Variants in ZDHHC15 observed in about 807,000 individuals in gnomAD.
The protein encoded by ZDHHC15 is zDHHC palmitoyltransferase 15.
Under a neutral mutation model 31.7 loss-of-function variants are expected in ZDHHC15, and 19 were observed. That is an observed-to-expected ratio of 0.60 (90% CI 0.42 to 0.88). The LOEUF (loss-of-function observed/expected upper bound fraction) is 0.88. Ranked by LOEUF, ZDHHC15 falls within the 40% of genes least tolerant of loss-of-function variation. The probability of loss-of-function intolerance (pLI) is 0.00; values close to 1 mark genes in which losing one functional copy is unlikely to be tolerated. For synonymous variants in ZDHHC15, 103 were observed against 90.0 expected, an observed-to-expected ratio of 1.14 and a Z score of -0.82; for missense variants, 209 against 251.2, an observed-to-expected ratio of 0.83 and a Z score of 1.14.
intron 1 of ZDHHC15, among the ~76,000 whole-genome samples, chrX:75,515,525 G>C (rs917420368): frequency 2.5e-4 from 28 of 111,569 alleles, no homozygotes; most frequent in Admixed American, 2.3e-3. Flanking sequence ...CTTTGAAAAA[G>C]TTCAACAGCC....
chrX:75,432,546 A>G (rs748487498), intron 4 of ZDHHC15, among the ~76,000 whole-genome samples: 1 of 111,846 alleles, frequency 8.9e-6, no homozygotes, highest in Non-Finnish European at 1.9e-5. Context: ...TTTAAAATAT[A>G]CTGTCAATGC....
chrX:75,446,961 T>A (rs765739820), intron 4 of ZDHHC15, among the ~76,000 whole-genome samples: 25 of 111,945 alleles, frequency 2.2e-4, no homozygotes, highest in Non-Finnish European at 3.9e-4. Context: ...ATTTTAATAA[T>A]CAAACAGACA....
intron 3 of ZDHHC15, among the ~76,000 whole-genome samples, chrX:75,460,303 C>T (rs2084291871): frequency 9.0e-6 from 1 of 111,100 alleles, no homozygotes; most frequent in South Asian, 4.0e-4. Flanking sequence ...ATGGAGCTTC[C>T]AGGGGGAGGG....
chrX:75,523,005 A>G lies in ZDHHC15; in HGVS notation c.20T>C (p.Met7Thr). The change falls in exon 1 of 12, where the codon ATG becomes ACG. Residue 7 changes from methionine (M) to threonine (T), a missense_variant. Transcript: ENST00000373367. MRRGWK[M>T]ALSGGLRCCR... is the part of the protein sequence containing the mutation. The stretch of plus-strand genomic sequence containing the variant: ...GCACCGCAGCCCCCCAGACAGAGCC[A>G]TCTTCCAGCCTCGCCGCATCTTTGG... 1.7e-6 allele frequency: 2 copies of G among 1,208,682 alleles called. No homozygotes were observed. Among genetic ancestry groups the G allele is most frequent in the South Asian group, 1.8e-5 (1 of 56,613 alleles).
intron 4 of ZDHHC15, among the ~76,000 whole-genome samples, chrX:75,443,917 GA>G (rs2083985437): frequency 9.0e-6 from 1 of 111,174 alleles, no homozygotes; most frequent in African/African-American, 3.3e-5. Flanking sequence ...ACCACAATGA[GA>G]TACCATCTCA....
intron 11 of ZDHHC15, among the ~76,000 whole-genome samples, chrX:75,373,195 C>T (rs1408289390): frequency 9.0e-6 from 1 of 111,620 alleles, no homozygotes; most frequent in Non-Finnish European, 1.9e-5. Flanking sequence ...GTGGTGGATT[C>T]ATGGGTAATT....
At chrX:75,456,243 T>A (rs2084218911) in intron 3 of ZDHHC15, among the ~76,000 whole-genome samples, 2 of 108,987 alleles carry the variant, frequency 1.8e-5, no homozygotes, top group African/African-American at 6.7e-5. Flanking sequence ...CTGAGCAAAC[T>A]ATCACAAGGA....
intron 3 of ZDHHC15, among the ~76,000 whole-genome samples, chrX:75,455,675 C>G (rs747513196): frequency 8.9e-6 from 1 of 111,890 alleles, no homozygotes; most frequent in South Asian, 3.7e-4. Context: ...AAGAAAAAAT[C>G]AAACAATTTC....
At position 75,379,220 on chromosome X, in the gene ZDHHC15, A is replaced by C. The variant is rs1450557206; in HGVS notation, c.968-22T>G. Reference sequence around the variant, plus strand: ...TAATCTGCAAGGTTGAAACGTGAAGATGATCAAATGTCCCCGTGCCTTATA... The same window carrying C: ...TAATCTGCAAGGTTGAAACGTGAAGCTGATCAAATGTCCCCGTGCCTTATA... On this transcript the variant is annotated intron_variant, in intron 10 of 11. Coordinates refer to ENST00000373367, the MANE Select transcript of ZDHHC15 (RefSeq NM_144969.3). 3.3e-6 allele frequency: 4 copies of C among 1,206,901 alleles called. No homozygotes were observed. In the Admixed American group the frequency reaches 8.8e-5, roughly 26 times the overall value.
intron 10 of ZDHHC15, among the ~76,000 whole-genome samples, chrX:75,384,182 A>T (rs966441591): frequency 3.6e-5 from 4 of 112,286 alleles, no homozygotes; most frequent in African/African-American, 9.7e-5. Context: ...TTTGGAAAAC[A>T]TCCACTTATC....
At chrX:75,514,451 C>A (rs1443987369) in intron 1 of ZDHHC15, among the ~76,000 whole-genome samples, 2 of 111,950 alleles carry the variant, frequency 1.8e-5, no homozygotes, top group African/African-American at 6.5e-5. Flanking sequence ...GGAACAGCTG[C>A]AGTCTACAGC....
chrX:75,478,864 C>T, intron 3 of ZDHHC15, 27 bp downstream of exon 3: 2 of 1,105,301 alleles, frequency 1.8e-6, no homozygotes, highest in Non-Finnish European at 1.2e-6. Flanking sequence ...CTGTTCTTAT[C>T]CTTTAAGAAG....
intron 10 of ZDHHC15, among the ~76,000 whole-genome samples, chrX:75,395,606 T>A (rs1191205334): frequency 8.9e-6 from 1 of 111,914 alleles, no homozygotes; most frequent in Non-Finnish European, 1.9e-5. Context: ...TGTTAAAATG[T>A]CCATACTACC....
Position 75,402,765 on chromosome X carries a change from C to T in ZDHHC15, c.967+14322G>A, listed in dbSNP as rs770118954. Among the ~76,000 whole-genome samples the T allele has an allele frequency of 2.7e-5, 3 of 111,103 alleles. No homozygotes were observed. In the South Asian group the frequency reaches 1.2e-3, roughly 43 times the overall value. On this transcript the variant is annotated intron_variant, in intron 10 of 11. Transcript: ENST00000373367. ...TAAACAGCCTACTAAATGAAAATGC[C>T]TAGGACCTGATGGATTCACAGCCAA...
intron 10 of ZDHHC15, among the ~76,000 whole-genome samples, chrX:75,393,702 C>G (rs1480754772): frequency 1.8e-5 from 2 of 111,773 alleles, no homozygotes; most frequent in Non-Finnish European, 3.8e-5. Flanking sequence ...TTCTGTTCTT[C>G]TAGAACCACT....
At chrX:75,496,590 T>C (rs916662197) in intron 2 of ZDHHC15, among the ~76,000 whole-genome samples, 1 of 111,932 alleles carries the variant, frequency 8.9e-6, no homozygotes, top group East Asian at 2.8e-4. Flanking sequence ...TTTTGCAAGA[T>C]AGATCATATG....
At chrX:75,435,131 G>C (rs2083832654) in intron 4 of ZDHHC15, among the ~76,000 whole-genome samples, 1 of 111,670 alleles carries the variant, frequency 9.0e-6, no homozygotes, top group Admixed American at 9.5e-5. Flanking sequence ...TTCTTGATTT[G>C]ATTCTCAGCT....
At position 75,439,319 on chromosome X, in the gene ZDHHC15, TTTAACATAATCAC is replaced by T. The variant is rs748302205; in HGVS notation, c.380-7812_380-7800del. 4.5e-5 allele frequency among the ~76,000 whole-genome samples: 5 copies of T among 112,102 alleles called. No homozygotes were observed. In the South Asian group the frequency reaches 1.8e-3, roughly 41 times the overall value. ...CTTAGGTTTCAGAATAACATAATCA[TTTAACATAATCAC>T]AAAACTTCTTGGAGCCTTTGTTCAT... is the stretch of plus-strand genomic sequence containing the variant. On this transcript the variant is annotated intron_variant, in intron 4 of 11. Coordinates refer to ENST00000373367, the MANE Select transcript of ZDHHC15 (RefSeq NM_144969.3).
At chrX:75,515,205 A>T (rs951062558) in intron 1 of ZDHHC15, among the ~76,000 whole-genome samples, 1 of 111,675 alleles carries the variant, frequency 9.0e-6, no homozygotes, top group African/African-American at 3.3e-5. Flanking sequence ...AAAAGAGGGA[A>T]TCCTCCCTAA....
Sources: allele counts gnomAD v4.1 joint callset (sites outside exome capture counted in the v4.1 genomes callset), GRCh38; gene constraint gnomAD v4.1.1; transcripts MANE v1.5; gene names NCBI Gene and HGNC (gene_info 2026-07-23, HGNC 2026-07-21).